Variants in PDE7A observed in about 807,000 individuals in gnomAD.
PDE7A encodes phosphodiesterase 7A.
In PDE7A, 39 loss-of-function variants were observed where a neutral mutation model predicts 64.3. The ratio of observed to expected loss-of-function variants is 0.61; its 90% CI spans 0.47 to 0.79. The LOEUF is 0.79. Ranked by LOEUF, PDE7A falls within the 30% of genes least tolerant of loss-of-function variation. The pLI is 0.00. For missense variants in PDE7A, 470 were observed against 582.8 expected, an observed-to-expected ratio of 0.81 and a Z score of 1.99; for synonymous variants, 203 against 206.8, an observed-to-expected ratio of 0.98 and a Z score of 0.16.
intron 3 of PDE7A, among the ~76,000 whole-genome samples, chr8:65,762,379 G>A (rs1221068316): frequency 1.3e-5 from 2 of 152,164 alleles, no homozygotes; most frequent in Non-Finnish European, 2.9e-5. Flanking sequence ...AAATCAGCTA[G>A]GTGTCTGCAG....
At chr8:65,779,690 C>A in intron 3 of PDE7A, 30 bp downstream of exon 3, 1 of 1,120,590 alleles carries the variant, frequency 8.9e-7, no homozygotes, top group South Asian at 1.4e-5. Context: ...TAGTGAAAAT[C>A]CGAGAAACTT....
At chr8:65,831,235 C>T (rs1810811761) in intron 1 of PDE7A, among the ~76,000 whole-genome samples, 1 of 152,138 alleles carries the variant, frequency 6.6e-6, no homozygotes, top group East Asian at 1.9e-4. Context: ...TACTGGACAT[C>T]CTCATCTGGA....
At chr8:65,829,043 T>G (rs973040223) in intron 1 of PDE7A, among the ~76,000 whole-genome samples, 1 of 152,142 alleles carries the variant, frequency 6.6e-6, no homozygotes, top group Non-Finnish European at 1.5e-5. Context: ...AACTTCATTG[T>G]TTTTCTTAAA....
intron 3 of PDE7A, among the ~76,000 whole-genome samples, chr8:65,751,956 G>A (rs1807989657): frequency 6.6e-6 from 1 of 152,056 alleles, no homozygotes; most frequent in Non-Finnish European, 1.5e-5. Context: ...CTTTTATAAG[G>A]CTGTAAAGTA....
chr8:65,830,024 C>T lies in PDE7A; in HGVS notation c.138+11347G>A, dbSNP rs536851508. 3.2e-4 allele frequency among the ~76,000 whole-genome samples: 48 copies of T among 152,152 alleles called. 2 individuals are homozygous for T. The South Asian group carries it at 9.7e-3, about 31-fold the overall frequency. ...GTTTTCTAGAACCATTGTGTTGACA[C>T]AGCATGTCTGTTTTCCTTTACTTCC... is the stretch of plus-strand genomic sequence containing the variant. On this transcript the variant is annotated intron_variant, in intron 1 of 12. Coordinates refer to ENST00000401827, the MANE Select transcript of PDE7A (RefSeq NM_001242318.3).
intron 1 of PDE7A, among the ~76,000 whole-genome samples, chr8:65,794,118 T>G (rs1049318603): frequency 3.3e-5 from 5 of 152,190 alleles, no homozygotes; most frequent in African/African-American, 1.2e-4. Flanking sequence ...TGACAAATTT[T>G]TGTACTAGTA....
At chr8:65,730,168 C>CTTTTTTTTTTTT (rs1563473710) in intron 7 of PDE7A, among the ~76,000 whole-genome samples, 1 of 31,670 alleles carries the variant, frequency 3.2e-5, no homozygotes, top group Non-Finnish European at 5.8e-5. Flanking sequence ...AGGTTGCGCA[C>CTTTTTTTTTTTT]TTCTTTTTTT....
Position 65,719,269 on chromosome 8 carries a change from T to C in PDE7A, c.*21A>G, listed in dbSNP as rs771567262. 5.1e-6 allele frequency: 8 copies of C among 1,571,840 alleles called. No individual in the cohort carries two copies. The South Asian group carries it at 7.8e-5, about 15-fold the overall frequency. On this transcript the variant is annotated 3_prime_UTR_variant, in exon 13 of 13. Transcript: ENST00000401827. The stretch of plus-strand genomic sequence containing the variant: ...TTTCTAAAAACCTCCAGGAGGCAGT[T>C]TGTCCCACTGGTTCTGGGGGTTATG...
chr8:65,737,703 G>C (rs1021358463), intron 6 of PDE7A, among the ~76,000 whole-genome samples: 1 of 152,096 alleles, frequency 6.6e-6, no homozygotes, highest in Non-Finnish European at 1.5e-5. Context: ...ATTTTTAGTA[G>C]AGACGGGGTT....
At chr8:65,840,912 A>G (rs1476631165) in intron 1 of PDE7A, among the ~76,000 whole-genome samples, 4 of 152,272 alleles carry the variant, frequency 2.6e-5, no homozygotes, top group Non-Finnish European at 5.9e-5. Flanking sequence ...CCGCAGGACC[A>G]GGCGAGCGCC....
At chr8:65,818,259 G>C (rs930362862) in intron 1 of PDE7A, among the ~76,000 whole-genome samples, 1 of 151,484 alleles carries the variant, frequency 6.6e-6, no homozygotes, top group African/African-American at 2.4e-5. Context: ...GTTTCTTTAC[G>C]TCTTATAATT....
At position 65,735,202 on chromosome 8, in the gene PDE7A, G is replaced by A. The variant is rs181179244; in HGVS notation, c.596-308C>T. Among the ~76,000 whole-genome samples the A allele has an allele frequency of 9.6e-4, 146 of 152,262 alleles. 1 individual carries two copies. The highest frequency in any genetic ancestry group is 3.3e-3 in the African/African-American group (139 of 41,556). Reference sequence around the variant, plus strand: ...AAATCCAGTGGTCTCAAAGGAAAGCGAGCCTACCTGTGATGGGGAAACACA... The same window carrying A: ...AAATCCAGTGGTCTCAAAGGAAAGCAAGCCTACCTGTGATGGGGAAACACA... On this transcript the variant is annotated intron_variant, in intron 6 of 12. Coordinates refer to ENST00000401827, the MANE Select transcript of PDE7A (RefSeq NM_001242318.3).
At chr8:65,737,921 T>G (rs867753685) in intron 6 of PDE7A, among the ~76,000 whole-genome samples, 1 of 152,358 alleles carries the variant, frequency 6.6e-6, no homozygotes, top group Middle Eastern at 3.4e-3. Flanking sequence ...CTGAATAATT[T>G]GTAATTTCTC....
At chr8:65,744,401 A>T (rs992719159) in intron 5 of PDE7A, among the ~76,000 whole-genome samples, 1 of 152,228 alleles carries the variant, frequency 6.6e-6, no homozygotes, top group Non-Finnish European at 1.5e-5. Flanking sequence ...ACCAATAATT[A>T]TGCCCACAAT....
At position 65,762,286 on chromosome 8, in the gene PDE7A, G is replaced by T. The variant is rs542878287; in HGVS notation, c.284-14483C>A. 8.9e-4 allele frequency among the ~76,000 whole-genome samples: 135 copies of T among 152,092 alleles called. 1 individual carries two copies. Among genetic ancestry groups the T allele is most frequent in the African/African-American group, 3.0e-3 (126 of 41,462 alleles). ...ATCTAAAAGCCTATTGTTAACATCG[G>T]GTAATTACACTTACCCTACATCTAC... is the stretch of plus-strand genomic sequence containing the variant. On this transcript the variant is annotated intron_variant, in intron 3 of 12. Transcript: ENST00000401827.
chr8:65,784,218 C>T lies in PDE7A; in HGVS notation c.139-1375G>A, dbSNP rs190557988. On this transcript the variant is annotated intron_variant, in intron 1 of 12. Coordinates refer to ENST00000401827, the MANE Select transcript of PDE7A (RefSeq NM_001242318.3). ...AGTGAGACTGTCTCAAAAAAAGGGG[C>T]GAGGGGAATGGACTAGCACCATGGG... Among the ~76,000 whole-genome samples the T allele has an allele frequency of 1.3e-3, 197 of 151,454 alleles. 3 individuals carry two copies. In the South Asian group the frequency reaches 0.013, roughly 10 times the overall value.
chr8:65,794,784 A>T (rs556850455), intron 1 of PDE7A, among the ~76,000 whole-genome samples: 2 of 152,362 alleles, frequency 1.3e-5, no homozygotes, highest in East Asian at 3.9e-4. Flanking sequence ...CCTTGCCTTT[A>T]CACAGCTTAA....
chr8:65,787,638 TTGG>T (rs1809596298), intron 1 of PDE7A, among the ~76,000 whole-genome samples: 1 of 152,146 alleles, frequency 6.6e-6, no homozygotes, highest in Non-Finnish European at 1.5e-5. Context: ...ATTTAATTTT[TTGG>T]TGGCAATTAA....
intron 3 of PDE7A, chr8:65,771,095 A>G (rs1365995028): frequency 3.0e-6 from 1 of 335,158 alleles, no homozygotes; most frequent in Non-Finnish European, 5.9e-6. Context: ...TGTGGCATCT[A>G]CATAATAAAA....
Sources: allele counts gnomAD v4.1 joint callset (sites outside exome capture counted in the v4.1 genomes callset), GRCh38; gene constraint gnomAD v4.1.1; transcripts MANE v1.5; gene names NCBI Gene and HGNC (gene_info 2026-07-23, HGNC 2026-07-21).